The following CEP72 variants were observed in gnomAD, a reference collection of about 807,000 sequenced individuals.
The protein encoded by CEP72 is centrosomal protein of 72 kDa.
A neutral mutation model predicts 65.7 loss-of-function variants in CEP72; 78 were observed. The observed-to-expected ratio is 1.19, with a 90% CI of 0.99 to 1.43. The LOEUF is 1.43. Ranked by LOEUF, CEP72 falls within the 40% of genes most tolerant of loss-of-function variation. The probability of loss-of-function intolerance (pLI) is 0.00; values close to 1 mark genes in which losing one functional copy is unlikely to be tolerated. For synonymous variants in CEP72, 358 were observed against 351.7 expected (o/e 1.02, Z -0.20); for missense variants, 914 against 832.9 (o/e 1.10, Z -1.20).
chr5:644,181 C>G, intron 9 of CEP72, 118 bp from the exon 10 acceptor site: 1 of 1,140,234 alleles, frequency 8.8e-7, no homozygotes, highest in Non-Finnish European at 1.3e-6. Context: ...CCTTTCACAT[C>G]GTGACTCCCA....
At chr5:671,855 A>G (rs424761), downstream of CEP72, among the ~76,000 whole-genome samples, 39,529 of 152,164 alleles carry the variant, frequency 0.26, 5,274 homozygotes, top group East Asian at 0.41. Flanking sequence ...CAATGGAGGG[A>G]CAGGGTTGGG....
chr5:666,312 A>G (rs1233424827), intron 4 of CEP72, among the ~76,000 whole-genome samples: 1 of 152,174 alleles, frequency 6.6e-6, no homozygotes, highest in African/African-American at 2.4e-5. Context: ...CAGGTCCTCT[A>G]TAAAGCTGGA....
chr5:673,199 C>T, the CEP72 span, among the ~76,000 whole-genome samples: 16 of 152,318 alleles, frequency 1.1e-4, no homozygotes, highest in African/African-American at 3.4e-4. Flanking sequence ...TTGCTTTCCC[C>T]GGAAATCGAA....
At chr5:644,220 C>A in intron 9 of CEP72, 79 bp from the exon 10 acceptor site, 1 of 1,505,344 alleles carries the variant, frequency 6.6e-7, no homozygotes, top group Non-Finnish European at 9.1e-7. Context: ...TCTGGGGATT[C>A]TCAGGTTTCA....
chr5:659,315 G>A (rs994919221), downstream of CEP72, among the ~76,000 whole-genome samples: 1 of 152,210 alleles, frequency 6.6e-6, no homozygotes, highest in Non-Finnish European at 1.5e-5. Context: ...CTGTTAATTT[G>A]GAGTTATTGA....
chr5:641,063 A>G (rs1737981268), intron 9 of CEP72: 4 of 985,356 alleles, frequency 4.1e-6, no homozygotes, highest in Non-Finnish European at 4.8e-6. Context: ...ATCACCTTGG[A>G]TTTCTGTGTA....
At chr5:671,824 G>T (rs937884200), downstream of CEP72, among the ~76,000 whole-genome samples, 1 of 152,216 alleles carries the variant, frequency 6.6e-6, no homozygotes, top group Non-Finnish European at 1.5e-5. Context: ...GTGCAAGCCC[G>T]GGACAGGGTG....
At chr5:656,208 T>G (rs539028751), downstream of CEP72, among the ~76,000 whole-genome samples, 79 of 152,346 alleles carry the variant, frequency 5.2e-4, no homozygotes, top group African/African-American at 1.9e-3. Context: ...TTTCTGCATC[T>G]CCTTGTCTGT....
At chr5:672,603 A>G in the CEP72 span, among the ~76,000 whole-genome samples, 1 of 152,204 alleles carries the variant, frequency 6.6e-6, no homozygotes, top group African/African-American at 2.4e-5. Flanking sequence ...TGTTTGGTGC[A>G]GTTGGGGAGG....
chr5:675,648 C>T, the CEP72 span, among the ~76,000 whole-genome samples: 564 of 151,978 alleles, frequency 3.7e-3, 3 homozygotes, highest in Non-Finnish European at 5.9e-3. Flanking sequence ...GGCTGTTGGA[C>T]GGACCCTCGA....
At chr5:665,357 G>C in intron 3 of CEP72, 1 of 1,511,138 alleles carries the variant, frequency 6.6e-7, no homozygotes, top group East Asian at 2.4e-5. Flanking sequence ...GCCAGCAAGT[G>C]AAATGGCTGT....
chr5:612,733 G>T (rs1735754976), intron 1 of CEP72: 1 of 740,244 alleles, frequency 1.4e-6, no homozygotes, highest in African/African-American at 1.9e-5. Context: ...GAGGGAGCCG[G>T]CCTTGCTGTC....
chr5:647,875 C>G lies in CEP72; in HGVS notation c.1737C>G (p.Asp579Glu). The G allele has an allele frequency of 6.2e-7, 1 of 1,612,528 alleles. No homozygotes were observed. Among genetic ancestry groups the G allele is most frequent in the Non-Finnish European group, 8.5e-7 (1 of 1,179,880 alleles). The stretch of plus-strand genomic sequence containing the variant: ...TGAAGCAGCACCTGGAGCACTACGA[C>G]AAGATCCAGGAGCTCACGCAGATGC... ...VELKQHLEHY[D>E]KIQELTQMLQ... Residue 579 changes from aspartate (D) to glutamate (E), a missense_variant, in exon 11 of 12, where the codon GAC (aspartate) becomes GAG (glutamate). By Grantham distance (45) the Asp-to-Glu change is conservative. Transcript: ENST00000264935.
intron 11 of CEP72, among the ~76,000 whole-genome samples, chr5:649,078 G>A (rs1367087514): frequency 7.0e-6 from 1 of 143,542 alleles, no homozygotes; most frequent in Admixed American, 6.8e-5. Context: ...ACTGTGAGGT[G>A]TGACTGTGAG....
intron 11 of CEP72, 66 bp downstream of exon 11, chr5:647,982 C>A: frequency 8.8e-7 from 1 of 1,130,466 alleles, no homozygotes; most frequent in Non-Finnish European, 1.3e-6. Context: ...GAGGGTTGGG[C>A]CGGACTGGGT....
At chr5:640,279 T>G in intron 8 of CEP72, 129 bp from the exon 9 acceptor site, 1 of 1,299,762 alleles carries the variant, frequency 7.7e-7, no homozygotes, top group South Asian at 1.5e-5. Flanking sequence ...CCAACACCCC[T>G]TTCCCCTCTC....
rs1337686758 is a variant in CEP72 at position 628,783 on chromosome 5, C to G, written c.512+4204C>G. 1.5e-3 allele frequency among the ~76,000 whole-genome samples: 193 copies of G among 130,512 alleles called. 3 individuals are homozygous for G. Among genetic ancestry groups the G allele is most frequent in the African/African-American group, 6.3e-3 (183 of 28,986 alleles). The allele number at this position is 130,512 out of a possible 152,430, so 85.6% of individuals were successfully genotyped here. A position where few individuals can be genotyped will look rare whatever the true frequency, so the allele number is the denominator to read the frequency against. ...CCGGGGAGTGTTCCCACGACCCAGCCCCCTTCTTTGTGCAGCTTCTGGAGA... is the reference window on the plus strand; with the variant it reads ...CCGGGGAGTGTTCCCACGACCCAGCGCCCTTCTTTGTGCAGCTTCTGGAGA... On this transcript the variant is annotated intron_variant, in intron 4 of 11. Transcript: ENST00000264935.
At chr5:672,327 C>A in the CEP72 span, among the ~76,000 whole-genome samples, 1 of 152,224 alleles carries the variant, frequency 6.6e-6, no homozygotes, top group Admixed American at 6.5e-5. Context: ...AACCAGCGTC[C>A]AGGTATCAGT....
At chr5:621,975 T>C (rs1366321370) in intron 3 of CEP72, among the ~76,000 whole-genome samples, 2 of 152,224 alleles carry the variant, frequency 1.3e-5, no homozygotes, top group Non-Finnish European at 2.9e-5. Flanking sequence ...GGTTTTGCCA[T>C]GTTGGCCAGG....
Sources: gnomAD v4.1 joint callset for allele counts (sites outside exome capture counted in the v4.1 genomes callset) on GRCh38, gnomAD v4.1.1 for gene constraint, MANE v1.5 for transcripts, NCBI Gene and HGNC (gene_info 2026-07-23, HGNC 2026-07-21) for gene names.